PAXIP1: variants seen among roughly 807,000 people sequenced by gnomAD.
PAXIP1 encodes the protein PAX interacting protein 1.
In PAXIP1, 19 loss-of-function variants were observed where a neutral mutation model predicts 140.6. The observed-to-expected ratio is 0.14, with a 90% CI of 0.09 to 0.20. The LOEUF is 0.20. Ranked by LOEUF, PAXIP1 falls within the 10% of genes least tolerant of loss-of-function variation. The probability of loss-of-function intolerance (pLI) is 1.00; values close to 1 mark genes in which losing one functional copy is unlikely to be tolerated. For synonymous variants in PAXIP1, 442 were observed against 444.6 expected (o/e 0.99, Z 0.07); for missense variants, 920 against 1,208.6 (o/e 0.76, Z 3.54).
At position 154,946,448 on chromosome 7, in the gene PAXIP1, C is replaced by T. The variant is rs1354353604; in HGVS notation, c.3134-23G>A. ...CATCTGAACAGGGTGGAAACAGACA[C>T]TTTAGTTAGAGATCCACTGCTGTGC... On this transcript the variant is annotated intron_variant, in intron 19 of 20. Transcript: ENST00000404141. This position sits in a 1 kb window ranked among gnomAD's most constrained non-coding sequence, Gnocchi z 4.9. 1 of 1,612,396 alleles carries T rather than the reference C, an allele frequency of 6.2e-7. No individual in the cohort carries two copies. The highest frequency in any genetic ancestry group is 8.5e-7 in the Non-Finnish European group (1 of 1,178,392).
intron 8 of PAXIP1, chr7:154,967,520 C>T (rs1563371370): frequency 3.7e-6 from 1 of 273,904 alleles, no homozygotes. Context: ...TCCCAGGACA[C>T]CAAAACCCTG....
intron 3 of PAXIP1, among the ~76,000 whole-genome samples, chr7:154,991,940 T>C (rs1301436252): frequency 6.6e-6 from 1 of 152,184 alleles, no homozygotes; most frequent in Non-Finnish European, 1.5e-5. Flanking sequence ...TCCTATATGG[T>C]TACACAGATG....
At chr7:154,974,727 T>C (rs541097246) in intron 6 of PAXIP1, 115 of 152,302 alleles carry the variant, frequency 7.6e-4, no homozygotes, top group African/African-American at 2.7e-3. Flanking sequence ...ACTTACTGTA[T>C]GTCTTCTCTA....
At chr7:154,955,441 G>A (rs1808461036) in intron 15 of PAXIP1, 88 bp downstream of exon 15, 3 of 751,924 alleles carry the variant, frequency 4.0e-6, no homozygotes, top group Middle Eastern at 2.6e-4. Context: ...TCTAAACTAT[G>A]TAAGTTAATA....
intron 5 of PAXIP1, among the ~76,000 whole-genome samples, chr7:154,982,732 AC>A (rs1809900318): frequency 6.6e-6 from 1 of 152,206 alleles, no homozygotes; most frequent in African/African-American, 2.4e-5. Flanking sequence ...CAAAATCCAT[AC>A]AGCCACACCA....
At chr7:154,996,208 T>C (rs1160287798) in intron 2 of PAXIP1, among the ~76,000 whole-genome samples, 2 of 152,166 alleles carry the variant, frequency 1.3e-5, no homozygotes, top group Non-Finnish European at 2.9e-5. Context: ...AGGATCTACT[T>C]GAAATATCTT....
chr7:154,967,825 G>T lies in PAXIP1; in HGVS notation c.1884C>A (p.Thr628=). The part of the protein sequence containing the change: ...EQMSDKQLLA[T]WKRIIQAHGG... ...CCAGGCACAATCTCACCCTTTTCCA[G>T]GTGGCCAGCAGTTGCTTATCAGACA... is the stretch of plus-strand genomic sequence containing the variant. Residue 628 remains threonine (T), a synonymous_variant, in exon 8 of 21, where the codon ACC becomes ACA. Transcript: ENST00000404141. The T allele has an allele frequency of 6.2e-7, 1 of 1,611,610 alleles. No homozygotes were observed. The highest frequency in any genetic ancestry group is 1.1e-5 in the South Asian group (1 of 90,962).
intron 2 of PAXIP1, among the ~76,000 whole-genome samples, chr7:154,994,043 A>AC (rs1810466714): frequency 6.6e-6 from 1 of 151,900 alleles, no homozygotes; most frequent in African/African-American, 2.4e-5. Context: ...ATTACTGCTG[A>AC]CCCCCACATT....
intron 6 of PAXIP1, among the ~76,000 whole-genome samples, chr7:154,971,846 G>C (rs1199125288): frequency 2.6e-5 from 4 of 152,140 alleles, no homozygotes; most frequent in African/African-American, 7.2e-5. Flanking sequence ...AACTAAATCT[G>C]TCTCATATTT....
intron 16 of PAXIP1, among the ~76,000 whole-genome samples, chr7:154,952,744 A>C (rs1808327795): frequency 6.6e-6 from 1 of 152,236 alleles, no homozygotes; most frequent in African/African-American, 2.4e-5. Context: ...ACAGTACAGC[A>C]TTCACTAACT....
rs571638922 is a variant in PAXIP1 at position 154,997,570 on chromosome 7, C to G, written c.216+1080G>C. 6.6e-5 allele frequency among the ~76,000 whole-genome samples: 10 copies of G among 152,298 alleles called. No individual in the cohort carries two copies. The South Asian group carries it at 1.9e-3, about 28-fold the overall frequency. ...AAAACAAATACTTCATAGGGAAGATCTGAAATAAAATCGAAGCATTGGAAT... is the reference window on the plus strand; with the variant it reads ...AAAACAAATACTTCATAGGGAAGATGTGAAATAAAATCGAAGCATTGGAAT... On this transcript the variant is annotated intron_variant, in intron 2 of 20. Transcript: ENST00000404141.
At position 154,968,959 on chromosome 7, in the gene PAXIP1, GTGCTGCTGCTGCTGCTGCTGGGCCTGC is replaced by G; in HGVS notation, c.1215_1241del (p.Gln405_Gln413del). 6.8e-7 allele frequency: 1 copy of G among 1,476,874 alleles called. No individual in the cohort carries two copies. The highest frequency in any genetic ancestry group is 1.3e-5 in the South Asian group (1 of 79,244). 91.5% of individuals were successfully genotyped at this position (1,476,874 alleles called of 1,614,324 possible). A position where few individuals can be genotyped will look rare whatever the true frequency, so the allele number is the denominator to read the frequency against. ...GCTGGGGCTGAAGGTGTAAAACCGG[GTGCTGCTGCTGCTGCTGCTGGGCCTGC>G]TGCTGCTGCTGTAGCATGTGTGTCT... On this transcript the variant is annotated inframe_deletion, in exon 7 of 21. Coordinates refer to ENST00000404141, the MANE Select transcript of PAXIP1 (RefSeq NM_007349.4).
At chr7:154,961,221 C>T in intron 11 of PAXIP1, 144 bp from the exon 12 acceptor site, 1 of 679,676 alleles carries the variant, frequency 1.5e-6, no homozygotes, top group Non-Finnish European at 2.4e-6. Context: ...TGAGGGTGAC[C>T]CTGAATGGTA....
chr7:154,957,110 C>T (rs767624933), intron 14 of PAXIP1, 114 bp downstream of exon 14: 93 of 573,642 alleles, frequency 1.6e-4, no homozygotes, highest in Non-Finnish European at 2.6e-4. Context: ...AAAGCAAACT[C>T]TTTCAAATCT....
In PAXIP1 at chr7:154,963,853, C is replaced by CTCTA; in HGVS notation, c.1894-91_1894-88dup. On this transcript the variant is annotated intron_variant, in intron 8 of 20. Transcript: ENST00000404141. This position sits in a 1 kb window ranked among gnomAD's most constrained non-coding sequence, Gnocchi z 4.1. ...TTCAAATAAGGCAGCTATTAAAAGA[C>CTCTA]TCTATCATATATTTATATCATGTAT... 1.2e-6 allele frequency: 1 copy of CTCTA among 829,384 alleles called. No individual in the cohort carries two copies. Among genetic ancestry groups the CTCTA allele is most frequent in the East Asian group, 2.7e-5 (1 of 37,624 alleles). 51.4% of individuals were successfully genotyped at this position (829,384 alleles called of 1,614,324 possible).
chr7:154,966,592 T>C lies in PAXIP1; in HGVS notation c.1893+1224A>G, dbSNP rs139597431. 7.9e-5 allele frequency among the ~76,000 whole-genome samples: 12 copies of C among 152,354 alleles called. No homozygotes were observed. The East Asian group carries it at 2.3e-3, about 29-fold the overall frequency. On this transcript the variant is annotated intron_variant, in intron 8 of 20. Coordinates refer to ENST00000404141, the MANE Select transcript of PAXIP1 (RefSeq NM_007349.4). ...GTATCTTTGAGTTTTGTTGTACTTC[T>C]CAAGACAGTTTCTCAGTGCTGCCTT... is the stretch of plus-strand genomic sequence containing the variant.
intron 11 of PAXIP1, 25 bp from the exon 12 acceptor site, chr7:154,961,102 A>G (rs1281104238): frequency 2.0e-6 from 3 of 1,468,462 alleles, no homozygotes; most frequent in Admixed American, 2.4e-5. Flanking sequence ...AGGAGAAAAC[A>G]TATTTATTAA....
chr7:154,949,423 GC>G (rs1165490860), intron 16 of PAXIP1: 1 of 152,096 alleles, frequency 6.6e-6, no homozygotes, highest in Non-Finnish European at 1.5e-5. Context: ...TAGAAAGGCT[GC>G]TTTTTAGGTG....
rs918403741 is a variant in PAXIP1 at position 154,963,812 on chromosome 7, AGAG to A, written c.1894-49_1894-47del. The A allele has an allele frequency of 2.4e-5, 31 of 1,306,000 alleles. No homozygotes were observed. The highest frequency in any genetic ancestry group is 2.2e-4 in the African/African-American group (15 of 68,920). The allele number at this position is 1,306,000 out of a possible 1,614,324, so 80.9% of individuals were successfully genotyped here. ...AATGCAGTCATCAATCACTCAGAAT[AGAG>A]GAGAATTCCAATTTCAAATAAGGCA... On this transcript the variant is annotated intron_variant, in intron 8 of 20. Transcript: ENST00000404141. The surrounding 1 kb of genome is among the most constrained non-coding windows in gnomAD (Gnocchi z 4.1).
Sources: gnomAD v4.1 joint callset for allele counts (sites outside exome capture counted in the v4.1 genomes callset) on GRCh38, gnomAD v4.1.1 for gene constraint, Gnocchi (gnomAD v3.1) non-coding constraint, MANE v1.5 for transcripts, NCBI Gene and HGNC (gene_info 2026-07-23, HGNC 2026-07-21) for gene names.